Variants in CD96 observed in about 807,000 individuals in gnomAD.
CD96 encodes CD96 molecule, also known as T-cell surface protein tactile.
CD96 carries 70 observed loss-of-function variants against 71.3 expected under a neutral mutation model. The ratio of observed to expected loss-of-function variants is 0.98; its 90% CI spans 0.81 to 1.20. CD96 has a LOEUF of 1.20. Ranked by LOEUF, CD96 falls within the 50% of genes most tolerant of loss-of-function variation. The pLI, the probability that CD96 is intolerant of heterozygous loss-of-function variation, is 0.00. For synonymous variants in CD96, 248 were observed against 233.0 expected, an observed-to-expected ratio of 1.06 and a Z score of -0.59; for missense variants, 742 against 677.5, an observed-to-expected ratio of 1.10 and a Z score of -1.06.
At chr3:111,647,750 A>T in intron 13 of CD96, 84 bp downstream of exon 13, 1 of 1,010,602 alleles carries the variant, frequency 9.9e-7, no homozygotes, top group Non-Finnish European at 1.5e-6. Flanking sequence ...TTACTCTATG[A>T]AGTTCCTCCC....
chr3:111,562,921 C>T (rs929065183), intron 2 of CD96, among the ~76,000 whole-genome samples: 2 of 152,200 alleles, frequency 1.3e-5, no homozygotes, highest in African/African-American at 4.8e-5. Context: ...TAACAGAATA[C>T]CACAGACTGA....
At chr3:111,626,525 T>G (rs542204151) in intron 10 of CD96, among the ~76,000 whole-genome samples, 1 of 152,324 alleles carries the variant, frequency 6.6e-6, no homozygotes, top group East Asian at 1.9e-4. Flanking sequence ...CCTTTGGCAT[T>G]GTATTTCAAA....
chr3:111,626,719 T>A (rs967389398), intron 10 of CD96, among the ~76,000 whole-genome samples: 20 of 152,200 alleles, frequency 1.3e-4, no homozygotes, highest in African/African-American at 4.6e-4. Flanking sequence ...AATTGTAGTA[T>A]ACTAATAAAA....
intron 5 of CD96, among the ~76,000 whole-genome samples, chr3:111,586,557 C>A (rs1936723600): frequency 6.6e-6 from 1 of 152,152 alleles, no homozygotes; most frequent in South Asian, 2.1e-4. Context: ...GTAATTTATA[C>A]AGGGAAAAGA....
chr3:111,555,281 T>C (rs1934933645), intron 2 of CD96, among the ~76,000 whole-genome samples: 1 of 152,308 alleles, frequency 6.6e-6, no homozygotes, highest in East Asian at 1.9e-4. Context: ...AGACTACATA[T>C]ATAATTTTTC....
At chr3:111,550,515 A>G (rs906301313) in intron 2 of CD96, among the ~76,000 whole-genome samples, 1 of 152,140 alleles carries the variant, frequency 6.6e-6, no homozygotes, top group East Asian at 1.9e-4. Flanking sequence ...AGTATGGAAG[A>G]TAAAATAATA....
At position 111,542,666 on chromosome 3, in the gene CD96, T is replaced by C. The variant is rs144809644; in HGVS notation, c.61+357T>C. On this transcript the variant is annotated intron_variant, in intron 1 of 13. Coordinates refer to ENST00000352690, the MANE Select transcript of CD96 (RefSeq NM_005816.5). The stretch of plus-strand genomic sequence containing the variant: ...AAACAACTGCGGAAAAATTAAAAAT[T>C]ACAAAGCCATCAACGCTCAGAGATC... Among the ~76,000 whole-genome samples, 231 of 152,328 alleles carry C rather than the reference T, an allele frequency of 1.5e-3. 1 individual carries two copies. Among genetic ancestry groups the C allele is most frequent in the African/African-American group, 5.1e-3 (214 of 41,570 alleles).
intron 3 of CD96, chr3:111,570,625 G>A (rs370696267): frequency 2.0e-5 from 32 of 1,591,122 alleles, no homozygotes; most frequent in South Asian, 4.4e-5. Context: ...GACACCAGGC[G>A]CATGGCAGCT....
At position 111,647,608 on chromosome 3, in the gene CD96, T is replaced by C; in HGVS notation, c.1543T>C (p.Cys515Arg). ...AGTGATTGTAGCAGCTTTACTCTTT[T>C]GCTGCATGATATTGTTTGGTCTTGG... ...WPVIVAALLF[C>R]CMILFGLGVR... The change falls in exon 13 of 14, where the codon TGC becomes CGC. Residue 515 changes from cysteine (C) to arginine (R), a missense_variant. Transcript: ENST00000352690. 6.2e-6 allele frequency: 10 copies of C among 1,611,276 alleles called. No homozygotes were observed. Among genetic ancestry groups the C allele is most frequent in the Non-Finnish European group, 8.5e-6 (10 of 1,177,500 alleles).
intron 2 of CD96, among the ~76,000 whole-genome samples, chr3:111,551,653 A>G (rs940278439): frequency 9.9e-5 from 15 of 152,220 alleles, no homozygotes; most frequent in African/African-American, 2.6e-4. Flanking sequence ...TGCACAGATC[A>G]TTCCATCACC....
chr3:111,558,852 T>G (rs1399115784), intron 2 of CD96, among the ~76,000 whole-genome samples: 1 of 151,152 alleles, frequency 6.6e-6, no homozygotes, highest in Admixed American at 6.6e-5. Context: ...TCTTTTTGGT[T>G]GGTAAACTAT....
At chr3:111,546,894 CCA>C (rs751844646) in intron 2 of CD96, among the ~76,000 whole-genome samples, 137 of 75,874 alleles carry the variant, frequency 1.8e-3, no homozygotes, top group Middle Eastern at 0.02. Context: ...GGAAAACACA[CCA>C]CACACACACA....
At chr3:111,656,755 A>G (rs1428569860), downstream of CD96, among the ~76,000 whole-genome samples, 1 of 152,218 alleles carries the variant, frequency 6.6e-6, no homozygotes, top group Non-Finnish European at 1.5e-5. Flanking sequence ...AAGGTGAAGT[A>G]CAAAGAGCAT....
At chr3:111,568,710 A>C (rs1394569901) in intron 3 of CD96, among the ~76,000 whole-genome samples, 1 of 152,200 alleles carries the variant, frequency 6.6e-6, no homozygotes, top group Non-Finnish European at 1.5e-5. Context: ...TTAAAAACTA[A>C]AATTGAGCTT....
At chr3:111,613,184 G>A (rs761899292) in intron 8 of CD96, among the ~76,000 whole-genome samples, 2 of 152,064 alleles carry the variant, frequency 1.3e-5, no homozygotes, top group Non-Finnish European at 2.9e-5. Flanking sequence ...TACTCCCCTT[G>A]GGGTGAGATT....
chr3:111,600,973 A>G (rs1937471350), intron 7 of CD96, 59 bp downstream of exon 7: 1 of 1,054,320 alleles, frequency 9.5e-7, no homozygotes, highest in East Asian at 2.4e-5. Flanking sequence ...TAAATTCAAA[A>G]TATCTTTAAT....
chr3:111,662,367 T>G (rs1344882592), intron 14 of CD96, among the ~76,000 whole-genome samples: 1 of 152,218 alleles, frequency 6.6e-6, no homozygotes, highest in Non-Finnish European at 1.5e-5. Context: ...AACATTCAGC[T>G]CTTCTTTACT....
Position 111,598,170 on chromosome 3 carries a change from A to G in CD96, c.858A>G (p.Thr286=), listed in dbSNP as rs1213423788. Residue 286 remains threonine (T), a synonymous_variant, in exon 6 of 14, where the codon ACA becomes ACG. Transcript: ENST00000352690. ...ATGTATTTCCCAAAGCAAATATCAC[A>G]TGGTTTATAGATGGAAGTTTTCTTC... The part of the protein sequence containing the change: ...LKNVFPKANI[T]WFIDGSFLHD... 3 of 1,494,092 alleles carry G rather than the reference A, an allele frequency of 2.0e-6. No individual in the cohort carries two copies. Among genetic ancestry groups the G allele is most frequent in the Non-Finnish European group, 2.8e-6 (3 of 1,071,072 alleles). The allele number at this position is 1,494,092 out of a possible 1,614,324, so 92.6% of individuals were successfully genotyped here. A position where few individuals can be genotyped will look rare whatever the true frequency, so the allele number is the denominator to read the frequency against.
intron 2 of CD96, among the ~76,000 whole-genome samples, chr3:111,561,752 C>T (rs374657938): frequency 0.051 from 7,194 of 141,306 alleles, 275 homozygotes; most frequent in African/African-American, 0.13. Context: ...TCGAGCTTCC[C>T]GGCTGCTTTG....
Sources: gnomAD v4.1 joint callset for allele counts (sites outside exome capture counted in the v4.1 genomes callset) on GRCh38, gnomAD v4.1.1 for gene constraint, MANE v1.5 for transcripts, NCBI Gene and HGNC (gene_info 2026-07-23, HGNC 2026-07-21) for gene names.